Variants in RGS22 observed in about 807,000 individuals in gnomAD.
The protein encoded by RGS22 is regulator of G-protein signaling 22.
Under a neutral mutation model 172.9 loss-of-function variants are expected in RGS22, and 148 were observed. The ratio of observed to expected loss-of-function variants is 0.86; its 90% CI spans 0.75 to 0.98. The LOEUF is 0.98. Among genes scored for constraint, RGS22 ranks in the 50% least tolerant of loss-of-function variants. The pLI is 0.00. For missense variants in RGS22, 1,347 were observed against 1,440.8 expected, an observed-to-expected ratio of 0.93 and a Z score of 1.05; for synonymous variants, 458 against 480.2, an observed-to-expected ratio of 0.95 and a Z score of 0.60.
In RGS22 at chr8:100,058,181, A is replaced by C. The variant is rs76664805; in HGVS notation, c.1514+4410T>G. On this transcript the variant is annotated intron_variant, in intron 9 of 27. Coordinates refer to ENST00000360863, the MANE Select transcript of RGS22 (RefSeq NM_015668.5). ...AATACACAGAGGAGACAAAAAAAAA[A>C]AAAAACAACAACAATAAAGCATGCC... Among the ~76,000 whole-genome samples, 526 of 148,840 alleles carry C rather than the reference A, an allele frequency of 3.5e-3. 2 individuals are homozygous for C. The highest frequency in any genetic ancestry group is 5.6e-3 in the African/African-American group (228 of 40,750).
At chr8:100,045,570 A>C (rs1820628936) in intron 11 of RGS22, among the ~76,000 whole-genome samples, 1 of 152,120 alleles carries the variant, frequency 6.6e-6, no homozygotes, top group South Asian at 2.1e-4. Flanking sequence ...TGGTGAAGGA[A>C]TGGTTAAAAA....
At position 100,008,396 on chromosome 8, in the gene RGS22, C is replaced by A; in HGVS notation, c.2340G>T (p.Ser780=). The A allele has an allele frequency of 6.2e-7, 1 of 1,609,572 alleles. No individual in the cohort carries two copies. Among genetic ancestry groups the A allele is most frequent in the Non-Finnish European group, 8.5e-7 (1 of 1,179,120 alleles). Residue 780 remains serine (S), a synonymous_variant, in exon 15 of 28, where the codon TCG becomes TCT. Transcript: ENST00000360863. ...LLEPWTKMVK[S]DQIAYKKVEL... ...GTACCTTTTTATAAGCAATTTGGTC[C>A]GATTTTACCATCTTTGTCCATGGCT...
chr8:100,016,610 T>C (rs1377129400), intron 14 of RGS22, among the ~76,000 whole-genome samples: 5 of 152,032 alleles, frequency 3.3e-5, no homozygotes, highest in Non-Finnish European at 7.4e-5. Flanking sequence ...ACCCTGTCTC[T>C]ACTAAAAATA....
intron 10 of RGS22, among the ~76,000 whole-genome samples, chr8:100,049,759 C>T (rs1046375864): frequency 1.1e-4 from 16 of 152,088 alleles, no homozygotes; most frequent in Admixed American, 9.8e-4. Context: ...GTTAGAAATG[C>T]AAATGAGGTT....
intron 24 of RGS22, among the ~76,000 whole-genome samples, chr8:99,964,206 A>T (rs1810489448): frequency 6.6e-6 from 1 of 152,138 alleles, no homozygotes; most frequent in African/African-American, 2.4e-5. Context: ...TAATCCTAGC[A>T]CTTTGGAAGG....
rs529435371 is a variant in RGS22, at chr8:100,105,438, A to C, written c.26-36T>G. 7.0e-6 allele frequency: 11 copies of C among 1,562,622 alleles called. No individual in the cohort carries two copies. The East Asian group carries it at 2.0e-4, about 29-fold the overall frequency. ...ACAAAATATTACATTATCTCCCTCAAATCTGATTTCCTTTGAGTAAATGAA... is the reference window on the plus strand; with the variant it reads ...ACAAAATATTACATTATCTCCCTCACATCTGATTTCCTTTGAGTAAATGAA... On this transcript the variant is annotated intron_variant, in intron 1 of 27. Coordinates refer to ENST00000360863, the MANE Select transcript of RGS22 (RefSeq NM_015668.5).
chr8:100,013,099 C>G (rs1816583484), intron 14 of RGS22, among the ~76,000 whole-genome samples: 1 of 150,482 alleles, frequency 6.6e-6, no homozygotes, highest in Non-Finnish European at 1.5e-5. Context: ...ATGCCATTCT[C>G]CTGCTTCAGC....
intron 14 of RGS22, 114 bp from the exon 15 acceptor site, chr8:100,008,683 A>G (rs1816022377): frequency 7.1e-6 from 5 of 704,310 alleles, no homozygotes; most frequent in South Asian, 2.2e-5. Context: ...AGCCCACGTG[A>G]TATTTTTCTT....
chr8:100,031,620 C>G (rs575821643), intron 14 of RGS22, among the ~76,000 whole-genome samples: 2 of 151,826 alleles, frequency 1.3e-5, no homozygotes, highest in South Asian at 2.1e-4. Context: ...TTGTTTCATA[C>G]GTTTACTTAT....
intron 14 of RGS22, among the ~76,000 whole-genome samples, chr8:100,013,051 G>A (rs952272143): frequency 7.8e-5 from 11 of 140,252 alleles, no homozygotes; most frequent in African/African-American, 2.7e-4. Flanking sequence ...GTGCAGTGGC[G>A]TAATCTCGGC....
At position 100,047,529 on chromosome 8, in the gene RGS22, G is replaced by A. The variant is rs372998744; in HGVS notation, c.1757C>T (p.Thr586Ile). The change falls in exon 11 of 28, where the codon ACT becomes ATT. Residue 586 changes from threonine to isoleucine, a missense_variant. By Grantham distance (89) the Thr-to-Ile change is moderately conservative. Coordinates refer to ENST00000360863, the MANE Select transcript of RGS22 (RefSeq NM_015668.5). ...AAGCTCCCGCTTCCAAGGCTTTTGAGTTGCTGTTTTTACTTCAGGTGATTT... is the reference window on the plus strand; with the variant it reads ...AAGCTCCCGCTTCCAAGGCTTTTGAATTGCTGTTTTTACTTCAGGTGATTT... ...PNKSPEVKTA[T>I]QKPWKRELLY... 198 of 1,613,252 alleles carry A rather than the reference G, an allele frequency of 1.2e-4. No homozygotes were observed. The highest frequency in any genetic ancestry group is 1.5e-4 in the Non-Finnish European group (182 of 1,179,598).
chr8:99,973,918 G>A (rs1165514799), intron 23 of RGS22, among the ~76,000 whole-genome samples: 2 of 151,458 alleles, frequency 1.3e-5, no homozygotes, highest in Non-Finnish European at 2.9e-5. Flanking sequence ...ATGGGTTGAT[G>A]GGTGCAGCAA....
At chr8:100,083,962 G>C (rs1035032351) in intron 3 of RGS22, among the ~76,000 whole-genome samples, 1 of 150,556 alleles carries the variant, frequency 6.6e-6, no homozygotes. Context: ...GGATTCTCCT[G>C]CCTCAGCCTC....
intron 14 of RGS22, among the ~76,000 whole-genome samples, chr8:100,031,408 A>T (rs1818787342): frequency 6.6e-6 from 1 of 152,118 alleles, no homozygotes; most frequent in African/African-American, 2.4e-5. Context: ...ATTAAATAGC[A>T]CTTTGTGGTA....
intron 21 of RGS22, 110 bp downstream of exon 21, chr8:99,987,348 A>C: frequency 1.4e-6 from 1 of 740,492 alleles, no homozygotes. Context: ...GAAGATAGCA[A>C]AATTGGGATA....
Position 100,063,640 on chromosome 8 carries a change from CCTCTCCT to C in RGS22, c.1121_1127del (p.Lys374SerfsTer5). ...AACTTGTTTGTTCTATCTCTTCTGA[CCTCTCCT>C]TTGTAGTTTGAACTAATTCACTTAA... On this transcript the variant is annotated frameshift_variant, in exon 8 of 28. Coordinates refer to ENST00000360863, the MANE Select transcript of RGS22 (RefSeq NM_015668.5). LOFTEE classifies it high-confidence loss of function. 1 of 1,614,102 alleles carries C rather than the reference CCTCTCCT, an allele frequency of 6.2e-7. No homozygotes were observed. The highest frequency in any genetic ancestry group is 1.1e-5 in the South Asian group (1 of 91,082).
intron 21 of RGS22, among the ~76,000 whole-genome samples, chr8:99,984,517 C>T (rs963144662): frequency 6.6e-6 from 1 of 152,000 alleles, no homozygotes; most frequent in African/African-American, 2.4e-5. Flanking sequence ...TGAGTTTAAG[C>T]ATACTTTCCT....
At chr8:100,024,639 T>C (rs1937602086) in intron 14 of RGS22, among the ~76,000 whole-genome samples, 1 of 152,202 alleles carries the variant, frequency 6.6e-6, no homozygotes, top group African/African-American at 2.4e-5. Context: ...AAGTGAAAGA[T>C]TAAACAAGGT....
chr8:100,070,512 AT>A, intron 6 of RGS22, among the ~76,000 whole-genome samples: 1 of 152,296 alleles, frequency 6.6e-6, no homozygotes, highest in South Asian at 2.1e-4. Context: ...CGGACAGTTA[AT>A]TTCAGCTTCA....
Sources: allele counts gnomAD v4.1 joint callset (sites outside exome capture counted in the v4.1 genomes callset), GRCh38; gene constraint gnomAD v4.1.1; transcripts MANE v1.5; gene names NCBI Gene and HGNC (gene_info 2026-07-23, HGNC 2026-07-21).